The following TM2D1 variants were observed in gnomAD, a reference collection of about 807,000 sequenced individuals.
TM2D1 encodes TM2 domain-containing protein 1.
TM2D1 carries 15 observed loss-of-function variants against 28.4 expected under a neutral mutation model. The observed-to-expected ratio is 0.53, with a 90% CI of 0.35 to 0.81. The LOEUF is 0.81. Ranked by LOEUF, TM2D1 falls within the 40% of genes least tolerant of loss-of-function variation. The probability of loss-of-function intolerance (pLI) is 0.01; values close to 1 mark genes in which losing one functional copy is unlikely to be tolerated. For missense variants in TM2D1, 236 were observed against 254.9 expected (o/e 0.93, Z 0.50); for synonymous variants, 93 against 96.2 (o/e 0.97, Z 0.20).
chr1:61,709,270 C>T, intron 3 of TM2D1, 59 bp downstream of exon 3: 1 of 993,488 alleles, frequency 1.0e-6, no homozygotes, highest in Non-Finnish European at 1.6e-6. Flanking sequence ...TCTCTTCATG[C>T]AATGAAGATA....
intron 3 of TM2D1, among the ~76,000 whole-genome samples, chr1:61,702,888 A>T (rs1644412458): frequency 1.3e-5 from 2 of 151,234 alleles, no homozygotes; most frequent in Admixed American, 6.6e-5. Context: ...GTTGGATCAC[A>T]TGAGGCCAGG....
intron 2 of TM2D1, among the ~76,000 whole-genome samples, chr1:61,711,679 G>A (rs1041427491): frequency 2.0e-5 from 3 of 151,928 alleles, no homozygotes; most frequent in African/African-American, 7.3e-5. Flanking sequence ...CAATTGGTAT[G>A]TAGCTATTTG....
intron 3 of TM2D1, 108 bp downstream of exon 3, chr1:61,709,221 A>C: frequency 1.4e-6 from 1 of 726,538 alleles, no homozygotes; most frequent in Non-Finnish European, 2.3e-6. Flanking sequence ...CAAAAAGATA[A>C]AAGATACATT....
Position 61,700,974 on chromosome 1 carries a change from C to A in TM2D1, c.399G>T (p.Trp133Cys), listed in dbSNP as rs1268911528. ...CAAGGTAAAATCGATCTGCTCCCAACCATCCAAGAAAAAGAGACAATGCGA... is the reference window on the plus strand; with the variant it reads ...CAAGGTAAAATCGATCTGCTCCCAAACATCCAAGAAAAAGAGACAATGCGA... ...VAVALSLFLG[W>C]LGADRFYLGY... is the part of the protein sequence containing the mutation. The change falls in exon 4 of 7, where the codon TGG (tryptophan) becomes TGT (cysteine). Residue 133 changes from tryptophan to cysteine, a missense_variant. By Grantham distance (215) the Trp-to-Cys change is radical (BLOSUM62 -2). This residue lies in a region of TM2D1 where 5 missense variants were observed against 19.0 expected (regional missense o/e 0.26). Transcript: ENST00000606498. 1 of 1,611,634 alleles carries A rather than the reference C, an allele frequency of 6.2e-7. No individual in the cohort carries two copies. The highest frequency in any genetic ancestry group is 1.1e-5 in the South Asian group (1 of 90,622).
In TM2D1 at chr1:61,725,050, C is replaced by T. The variant is rs1309319805; in HGVS notation, c.71G>A (p.Trp24Ter). Residue 24 changes from tryptophan to a stop codon, truncating the protein, a stop_gained, in exon 1 of 7, where the codon TGG (tryptophan) becomes TAG (stop). Coordinates refer to ENST00000606498, the MANE Select transcript of TM2D1 (RefSeq NM_032027.3). LOFTEE classifies it high-confidence loss of function. ...GGGTCCTGTAGTGACTGAGACGAAC[C>T]ACAGGACACCAACGAGTCTGGCCGT... The part of the protein sequence containing the change: ...AVTARLVGVL[W>*]FVSVTTGPWG... 6.2e-7 allele frequency: 1 copy of T among 1,613,990 alleles called. No individual in the cohort carries two copies. Among genetic ancestry groups the T allele is most frequent in the Non-Finnish European group, 8.5e-7 (1 of 1,179,902 alleles).
chr1:61,692,926 C>G (rs1644339503), intron 5 of TM2D1, among the ~76,000 whole-genome samples: 12 of 152,126 alleles, frequency 7.9e-5, no homozygotes. Context: ...TGATCGACTC[C>G]TAATCCCAGA....
chr1:61,698,130 T>C (rs1199828598), intron 4 of TM2D1: 1 of 152,194 alleles, frequency 6.6e-6, no homozygotes, highest in Non-Finnish European at 1.5e-5. Context: ...TTTTAGACAG[T>C]TCCTCCCTAC....
At chr1:61,706,102 T>G (rs933655399) in intron 3 of TM2D1, among the ~76,000 whole-genome samples, 2 of 152,200 alleles carry the variant, frequency 1.3e-5, no homozygotes, top group African/African-American at 4.8e-5. Flanking sequence ...AATATCTCGA[T>G]AAAGCAAAAT....
At chr1:61,714,149 C>G (rs1644500095) in intron 2 of TM2D1, among the ~76,000 whole-genome samples, 1 of 146,860 alleles carries the variant, frequency 6.8e-6, no homozygotes, top group Admixed American at 6.7e-5. Flanking sequence ...CCCGCCTCGG[C>G]CTCCCAAAGT....
intron 2 of TM2D1, among the ~76,000 whole-genome samples, chr1:61,719,621 T>C (rs1644548041): frequency 6.6e-6 from 1 of 152,088 alleles, no homozygotes; most frequent in Admixed American, 6.6e-5. Flanking sequence ...GCCTCCCAAG[T>C]AGCTGGGATT....
chr1:61,706,037 C>T (rs114853510), intron 3 of TM2D1, among the ~76,000 whole-genome samples: 1,533 of 152,230 alleles, frequency 0.01, 26 homozygotes, highest in African/African-American at 0.034. Flanking sequence ...GAATGTATCG[C>T]TGAGTCTTTA....
chr1:61,689,757 T>G (rs1393363821), intron 5 of TM2D1, among the ~76,000 whole-genome samples: 1 of 152,202 alleles, frequency 6.6e-6, no homozygotes, highest in African/African-American at 2.4e-5. Context: ...CATGTTATCA[T>G]ACCTAAGTTG....
chr1:61,690,962 TC>T (rs1644319566), intron 5 of TM2D1, among the ~76,000 whole-genome samples: 1 of 152,166 alleles, frequency 6.6e-6, no homozygotes, highest in African/African-American at 2.4e-5. Context: ...ATCCACTCTG[TC>T]ATATTAATAG....
At chr1:61,713,866 T>G (rs1644497057) in intron 2 of TM2D1, among the ~76,000 whole-genome samples, 1 of 151,600 alleles carries the variant, frequency 6.6e-6, no homozygotes, top group African/African-American at 2.4e-5. Flanking sequence ...GTACAAAACT[T>G]TTAAAAACCA....
intron 3 of TM2D1, among the ~76,000 whole-genome samples, chr1:61,708,222 A>T (rs973159112): frequency 5.9e-5 from 9 of 151,764 alleles, no homozygotes; most frequent in Admixed American, 5.9e-4. Context: ...TAATTTTTGT[A>T]TTTTTTTGTA....
Position 61,719,488 on chromosome 1 carries a change from T to G in TM2D1, c.238+4225A>C, listed in dbSNP as rs564009760. ...GGGTATATGGATGGAGTTTTGTGGG[T>G]TTTTTTGTTTTTGTTTGTTTTGAGA... On this transcript the variant is annotated intron_variant, in intron 2 of 6. Coordinates refer to ENST00000606498, the MANE Select transcript of TM2D1 (RefSeq NM_032027.3). Among the ~76,000 whole-genome samples the G allele has an allele frequency of 5.3e-5, 8 of 151,812 alleles. 1 individual carries two copies. Among genetic ancestry groups the G allele is most frequent in the South Asian group, 4.2e-4 (2 of 4,788 alleles).
intron 2 of TM2D1, among the ~76,000 whole-genome samples, chr1:61,716,494 T>TAA (rs1644522398): frequency 6.9e-6 from 1 of 145,708 alleles, no homozygotes; most frequent in African/African-American, 2.5e-5. Flanking sequence ...TATACGTATA[T>TAA]AATTATATAT....
intron 3 of TM2D1, among the ~76,000 whole-genome samples, chr1:61,704,214 C>T (rs1263227262): frequency 6.6e-6 from 1 of 151,834 alleles, no homozygotes; most frequent in African/African-American, 2.4e-5. Context: ...AGGTCTAAAA[C>T]TGAATAGAAT....
At chr1:61,717,455 T>C (rs76164391) in intron 2 of TM2D1, among the ~76,000 whole-genome samples, 2,927 of 152,276 alleles carry the variant, frequency 0.019, 112 homozygotes, top group African/African-American at 0.064. Context: ...ACTATTCAAT[T>C]TGCAGTTTTC....
Sources: gnomAD v4.1 joint callset for allele counts (sites outside exome capture counted in the v4.1 genomes callset) on GRCh38, gnomAD v4.1.1 for gene constraint, gnomAD v4.1.1 regional missense constraint, MANE v1.5 for transcripts, NCBI Gene and HGNC (gene_info 2026-07-23, HGNC 2026-07-21) for gene names.